The following CCDC171 variants were observed in gnomAD, a reference collection of about 807,000 sequenced individuals.
The protein encoded by CCDC171 is coiled-coil domain containing 171.
CCDC171 carries 177 observed loss-of-function variants against 168.2 expected under a neutral mutation model. The observed-to-expected ratio is 1.05, with a 90% CI of 0.93 to 1.19. CCDC171 has a LOEUF of 1.19. CCDC171 is among the 50% of genes most tolerant of loss of function. CCDC171 has a pLI of 0.00. For missense variants in CCDC171, 1,991 were observed against 1,539.0 expected, an observed-to-expected ratio of 1.29 and a Z score of -4.91; for synonymous variants, 687 against 540.8, an observed-to-expected ratio of 1.27 and a Z score of -3.75.
chr9:16,058,595 C>G (rs1833880872), intron 1 of CCDC171, among the ~76,000 whole-genome samples: 1 of 152,130 alleles, frequency 6.6e-6, no homozygotes, highest in African/African-American at 2.4e-5. Flanking sequence ...TCAGGAGTTA[C>G]CGATTCAGAA....
rs560190847 is a variant in CCDC171 at position 15,678,852 on chromosome 9, T to C, written c.1171T>C (p.Tyr391His). Residue 391 changes from tyrosine to histidine, a missense_variant, in exon 10 of 26, where the codon TAT becomes CAT. Tyr to His is a moderately conservative substitution (Grantham distance 83). Transcript: ENST00000380701. Reference protein sequence around the residue: ...VIIDLSKRLQYNEKSCSELQE... With the variant: ...VIIDLSKRLQHNEKSCSELQE... ...TATAGACCTTTCAAAGAGACTCCAG[T>C]ATAATGAAAAAAGTTGCAGTGAATT... 2.3e-5 allele frequency: 37 copies of C among 1,594,456 alleles called. No homozygotes were observed. In the South Asian group the frequency reaches 3.7e-4, roughly 16 times the overall value.
intron 11 of CCDC171, among the ~76,000 whole-genome samples, chr9:15,706,232 CCTTCCTTCCTTG>C (rs1448514497): frequency 1.3e-5 from 2 of 149,514 alleles, no homozygotes; most frequent in Non-Finnish European, 3.0e-5. Flanking sequence ...TTCCTTCCTT[CCTTCCTTCCTTG>C]CTTCCTTCCT....
chr9:15,565,086 C>CTTTT (rs34584445), intron 2 of CCDC171, among the ~76,000 whole-genome samples: 3 of 119,862 alleles, frequency 2.5e-5, no homozygotes, highest in African/African-American at 6.1e-5. Flanking sequence ...CCACCCCCCA[C>CTTTT]TTTTTTTTTT....
rs1056572113 is a variant in CCDC171, at chr9:15,724,861, C to T, written c.1577C>T (p.Thr526Ile). ...GCAGACCGAGAGGCTTTAATAAGCACTTTAAAAGTGGAACTACAAAATGTG... is the reference window on the plus strand; with the variant it reads ...GCAGACCGAGAGGCTTTAATAAGCATTTTAAAAGTGGAACTACAAAATGTG... ...KCADREALISTLKVELQNVLH... is the reference protein window; with the variant it reads ...KCADREALISILKVELQNVLH... Residue 526 changes from threonine to isoleucine, a missense_variant, in exon 14 of 26, where the codon ACT becomes ATT. Physicochemically the swap from Thr to Ile is moderately conservative, Grantham distance 89. Transcript: ENST00000380701. 1 of 1,613,716 alleles carries T rather than the reference C, an allele frequency of 6.2e-7. No individual in the cohort carries two copies.
intron 9 of CCDC171, among the ~76,000 whole-genome samples, chr9:15,677,058 T>C (rs1346763815): frequency 6.6e-6 from 1 of 152,204 alleles, no homozygotes; most frequent in East Asian, 1.9e-4. Flanking sequence ...ATTGTTTTTC[T>C]TTCATTTTGC....
At chr9:15,798,931 T>C (rs2058685276) in intron 21 of CCDC171, among the ~76,000 whole-genome samples, 1 of 151,742 alleles carries the variant, frequency 6.6e-6, no homozygotes, top group African/African-American at 2.4e-5. Flanking sequence ...AAAATAATAT[T>C]ATTTGACTTT....
At chr9:15,648,650 T>TG (rs1464938340) in intron 7 of CCDC171, among the ~76,000 whole-genome samples, 3 of 152,180 alleles carry the variant, frequency 2.0e-5, no homozygotes, top group Admixed American at 6.5e-5. Context: ...CATTCACAGT[T>TG]GCTACAAATA....
chr9:15,581,689 C>T (rs2041131056), intron 4 of CCDC171, among the ~76,000 whole-genome samples: 1 of 152,026 alleles, frequency 6.6e-6, no homozygotes, highest in Admixed American at 6.5e-5. Context: ...GAAAGGATTC[C>T]CTATTTAATA....
At chr9:15,575,309 A>G (rs572636803) in intron 3 of CCDC171, among the ~76,000 whole-genome samples, 9 of 151,840 alleles carry the variant, frequency 5.9e-5, no homozygotes, top group East Asian at 1.9e-4. Context: ...AGCTGGGACT[A>G]CAGGCACGCA....
intron 21 of CCDC171, among the ~76,000 whole-genome samples, chr9:15,805,655 G>T (rs1443707244): frequency 6.6e-6 from 1 of 152,022 alleles, no homozygotes; most frequent in Non-Finnish European, 1.5e-5. Flanking sequence ...GCTGAGCAGT[G>T]TTTTACTTTT....
At chr9:15,674,891 C>T (rs1223539891) in intron 9 of CCDC171, among the ~76,000 whole-genome samples, 1 of 152,114 alleles carries the variant, frequency 6.6e-6, no homozygotes, top group Non-Finnish European at 1.5e-5. Context: ...TGGTGCAGAG[C>T]TGAGTTCAAG....
intron 24 of CCDC171, among the ~76,000 whole-genome samples, chr9:15,919,629 T>C (rs1825033819): frequency 6.6e-6 from 1 of 151,658 alleles, no homozygotes; most frequent in Admixed American, 6.6e-5. Context: ...ATGATTAAAC[T>C]GTGATACAAT....
intron 6 of CCDC171, among the ~76,000 whole-genome samples, chr9:15,622,908 C>T (rs1319034989): frequency 6.6e-6 from 1 of 151,904 alleles, no homozygotes; most frequent in South Asian, 2.1e-4. Flanking sequence ...ATAAAAAGGG[C>T]AATATACATT....
downstream of CCDC171, chr9:16,061,724 C>T (rs778792860): frequency 3.9e-5 from 6 of 152,162 alleles, no homozygotes; most frequent in Non-Finnish European, 8.8e-5. Context: ...ATTTAATTCT[C>T]ACAGTAACCC....
chr9:15,677,821 GCACA>G (rs1329373726), intron 9 of CCDC171, among the ~76,000 whole-genome samples: 2 of 121,480 alleles, frequency 1.6e-5, no homozygotes, highest in African/African-American at 6.3e-5. Flanking sequence ...ACACACACGC[GCACA>G]CACACAAATG....
chr9:15,924,341 C>T (rs1825664107), intron 25 of CCDC171, among the ~76,000 whole-genome samples: 1 of 150,866 alleles, frequency 6.6e-6, no homozygotes, highest in Non-Finnish European at 1.5e-5. Context: ...TCAGGGCTTT[C>T]ATCTGTAAAA....
chr9:15,973,064 G>C lies in CCDC171; in HGVS notation c.*1228G>C, dbSNP rs1831492483. 1 of 152,124 alleles carries C rather than the reference G, an allele frequency of 6.6e-6. No individual in the cohort carries two copies. Among genetic ancestry groups the C allele is most frequent in the Non-Finnish European group, 1.5e-5 (1 of 68,010 alleles). 9.4% of individuals were successfully genotyped at this position (152,124 alleles called of 1,614,324 possible). Reference sequence around the variant, plus strand: ...CTTCAGAAGATCAGACATTGACATTGATTAAACTCTTTAACCCTTAAAGGT... The same window carrying C: ...CTTCAGAAGATCAGACATTGACATTCATTAAACTCTTTAACCCTTAAAGGT... On this transcript the variant is annotated 3_prime_UTR_variant, in exon 26 of 26. Transcript: ENST00000380701.
chr9:15,833,370 C>T (rs2060315155), intron 21 of CCDC171, among the ~76,000 whole-genome samples: 1 of 152,072 alleles, frequency 6.6e-6, no homozygotes, highest in Admixed American at 6.5e-5. Flanking sequence ...TGACTTTATA[C>T]ATTTCCATCT....
intron 21 of CCDC171, among the ~76,000 whole-genome samples, chr9:15,836,513 G>A (rs2060457141): frequency 6.6e-6 from 1 of 152,018 alleles, no homozygotes; most frequent in Non-Finnish European, 1.5e-5. Context: ...CACCACGTCC[G>A]GCTAATTTTT....
Sources: allele counts gnomAD v4.1 joint callset (sites outside exome capture counted in the v4.1 genomes callset), GRCh38; gene constraint gnomAD v4.1.1; transcripts MANE v1.5; gene names NCBI Gene and HGNC (gene_info 2026-07-23, HGNC 2026-07-21).